Variants in RECK observed in about 807,000 individuals in gnomAD.
The protein encoded by RECK is reversion-inducing cysteine-rich protein with Kazal motifs.
A neutral mutation model predicts 115.1 loss-of-function variants in RECK; 69 were observed. That is an observed-to-expected ratio of 0.60 (90% CI 0.49 to 0.73). The LOEUF (loss-of-function observed/expected upper bound fraction) is 0.73. Among genes scored for constraint, RECK ranks in the 30% least tolerant of loss-of-function variants. RECK has a pLI of 0.00. For synonymous variants in RECK, 414 were observed against 419.7 expected, an observed-to-expected ratio of 0.99 and a Z score of 0.17; for missense variants, 1,047 against 1,203.7, an observed-to-expected ratio of 0.87 and a Z score of 1.93.
intron 6 of RECK, among the ~76,000 whole-genome samples, chr9:36,073,826 C>T (rs1822340397): frequency 3.3e-5 from 5 of 152,134 alleles, no homozygotes; most frequent in Admixed American, 3.3e-4. Flanking sequence ...GTTTGTTCCA[C>T]CTGGAATTCC....
intron 1 of RECK, among the ~76,000 whole-genome samples, chr9:36,040,405 C>G (rs1820828728): frequency 6.6e-6 from 1 of 151,864 alleles, no homozygotes; most frequent in African/African-American, 2.4e-5. Context: ...GGGGTGAGGT[C>G]CAGGAAGTGC....
rs1820682066 is a variant in RECK at position 36,036,945 on chromosome 9, T to C, written c.-54T>C. 22 of 1,191,246 alleles carry C rather than the reference T, an allele frequency of 1.8e-5. No homozygotes were observed. In the South Asian group the frequency reaches 4.4e-4, roughly 24 times the overall value. 73.8% of individuals were successfully genotyped at this position (1,191,246 alleles called of 1,614,324 possible). A position where few individuals can be genotyped will look rare whatever the true frequency, so the allele number is the denominator to read the frequency against. On this transcript the variant is annotated 5_prime_UTR_variant, in exon 1 of 21. Transcript: ENST00000377966. ...CGGCGGCGGTAGCGGCGGCAGCGGC[T>C]GCGGCCAAGCTGGGTCCGAGCATCC...
intron 6 of RECK, among the ~76,000 whole-genome samples, chr9:36,079,554 AT>A (rs1164938641): frequency 1.3e-5 from 2 of 152,196 alleles, no homozygotes; most frequent in Admixed American, 1.3e-4. Flanking sequence ...AAATGAATGA[AT>A]ACAGCTTCAC....
chr9:36,063,893 A>C lies in RECK; in HGVS notation c.357+13A>C, dbSNP rs1196188368. The C allele has an allele frequency of 1.2e-6, 2 of 1,612,744 alleles. No individual in the cohort carries two copies. The highest frequency in any genetic ancestry group is 2.2e-5 in the South Asian group (2 of 91,060). Reference sequence around the variant, plus strand: ...GGCATGCAAGCAGGTAACACTGGGTAGTCAGGCTCTCAAACATCATGGAGT... The same window carrying C: ...GGCATGCAAGCAGGTAACACTGGGTCGTCAGGCTCTCAAACATCATGGAGT... On this transcript the variant is annotated intron_variant, in intron 5 of 20. Transcript: ENST00000377966.
rs192967237 is a variant in RECK at position 36,078,702 on chromosome 9, A to T, written c.406-1903A>T. 2.6e-4 allele frequency among the ~76,000 whole-genome samples: 39 copies of T among 152,326 alleles called. No individual in the cohort carries two copies. In the East Asian group the frequency reaches 6.0e-3, roughly 23 times the overall value. On this transcript the variant is annotated intron_variant, in intron 6 of 20. Transcript: ENST00000377966. The stretch of plus-strand genomic sequence containing the variant: ...AGAAAATCAGGCCATGCAACCCAAG[A>T]TAGCCACCAAGTTATCAAACATATT...
chr9:36,104,026 G>T (rs1460146221), intron 12 of RECK, among the ~76,000 whole-genome samples: 1 of 151,740 alleles, frequency 6.6e-6, no homozygotes, highest in East Asian at 1.9e-4. Flanking sequence ...ATCACACATG[G>T]TTTCTATCAA....
chr9:36,076,792 A>G (rs1351430672), intron 6 of RECK, among the ~76,000 whole-genome samples: 2 of 152,170 alleles, frequency 1.3e-5, no homozygotes. Flanking sequence ...TTTGGTTACA[A>G]TTTAAGGAGC....
chr9:36,104,187 CCT>C (rs1258521326), intron 12 of RECK, among the ~76,000 whole-genome samples: 1 of 148,784 alleles, frequency 6.7e-6, no homozygotes. Flanking sequence ...CCAAAATATA[CCT>C]GTCATTTTTT....
intron 6 of RECK, among the ~76,000 whole-genome samples, chr9:36,073,237 C>G (rs7864881): frequency 9.9e-6 from 1 of 101,228 alleles, no homozygotes; most frequent in Non-Finnish European, 2.0e-5. Context: ...CACAGACACA[C>G]ACAGACACAC....
chr9:36,092,073 C>G (rs1415320361), intron 10 of RECK, among the ~76,000 whole-genome samples: 2 of 152,172 alleles, frequency 1.3e-5, no homozygotes, highest in Non-Finnish European at 2.9e-5. Context: ...CAAGCTAACA[C>G]ACATCTTATT....
At chr9:36,068,731 T>C (rs1260173065) in intron 6 of RECK, among the ~76,000 whole-genome samples, 1 of 152,186 alleles carries the variant, frequency 6.6e-6, no homozygotes, top group African/African-American at 2.4e-5. Context: ...ACCAATAAAT[T>C]TGGGATTCCA....
chr9:36,122,073 GAA>G (rs1824481640), intron 20 of RECK, among the ~76,000 whole-genome samples: 1 of 152,224 alleles, frequency 6.6e-6, no homozygotes, highest in South Asian at 2.1e-4. Flanking sequence ...GATAAAGCCA[GAA>G]AAGACTCCAG....
At chr9:36,105,567 C>T (rs944283491) in intron 13 of RECK, among the ~76,000 whole-genome samples, 7 of 152,082 alleles carry the variant, frequency 4.6e-5, no homozygotes, top group Non-Finnish European at 8.8e-5. Context: ...ACTTGACTCT[C>T]GTGAGTTGCA....
intron 1 of RECK, among the ~76,000 whole-genome samples, chr9:36,043,038 T>TTTTTG (rs1351361271): frequency 3.8e-5 from 5 of 131,014 alleles, no homozygotes; most frequent in African/African-American, 1.5e-4. Context: ...TTTTTTTTTT[T>TTTTTG]TTGTTGAGAC....
chr9:36,044,176 TC>T (rs1243146361), intron 1 of RECK, among the ~76,000 whole-genome samples: 1 of 152,158 alleles, frequency 6.6e-6, no homozygotes, highest in Non-Finnish European at 1.5e-5. Context: ...CTTGTAGAAT[TC>T]TTTCACCTCC....
In RECK at chr9:36,060,768, A is replaced by C. The variant is rs117871812; in HGVS notation, c.271+613A>C. On this transcript the variant is annotated intron_variant, in intron 4 of 20. Coordinates refer to ENST00000377966, the MANE Select transcript of RECK (RefSeq NM_021111.3). ...TCATTCCTTCCCAGAACTGTTAACT[A>C]ATCAGCTCTGAGAAGGTGACTCTCA... 7.3e-3 allele frequency among the ~76,000 whole-genome samples: 1,104 copies of C among 152,178 alleles called. 11 individuals carry two copies. Among genetic ancestry groups the C allele is most frequent in the Non-Finnish European group, 0.011 (769 of 67,970 alleles).
intron 1 of RECK, among the ~76,000 whole-genome samples, chr9:36,042,796 A>G (rs1820919427): frequency 6.6e-6 from 1 of 152,104 alleles, no homozygotes; most frequent in East Asian, 1.9e-4. Flanking sequence ...TCCTACCAGC[A>G]ATGTAAAAGT....
rs565410813 is a variant in RECK at position 36,096,461 on chromosome 9, C to T, written c.1086-3870C>T. Among the ~76,000 whole-genome samples, 621 of 148,650 alleles carry T rather than the reference C, an allele frequency of 4.2e-3. 3 individuals carry two copies. Among genetic ancestry groups the T allele is most frequent in the Non-Finnish European group, 7.5e-3 (502 of 66,746 alleles). The stretch of plus-strand genomic sequence containing the variant: ...CTGAGGCAGGAGAATCGCTTGAACC[C>T]GGGAGGTGGAGGTTGCAGTGAGCTG... On this transcript the variant is annotated intron_variant, in intron 10 of 20. Coordinates refer to ENST00000377966, the MANE Select transcript of RECK (RefSeq NM_021111.3).
rs553571759 is a variant in RECK at position 36,059,183 on chromosome 9, G to A, written c.234+282G>A. ...TATAGTATTTTATCTGGGGTCGGGC[G>A]TGGTGGCTGATGCCTGTAATCCCAG... On this transcript the variant is annotated intron_variant, in intron 3 of 20. Coordinates refer to ENST00000377966, the MANE Select transcript of RECK (RefSeq NM_021111.3). Among the ~76,000 whole-genome samples the A allele has an allele frequency of 5.3e-5, 8 of 152,162 alleles. No homozygotes were observed. In the South Asian group the frequency reaches 8.3e-4, roughly 16 times the overall value.
Sources: allele counts gnomAD v4.1 joint callset (sites outside exome capture counted in the v4.1 genomes callset), GRCh38; gene constraint gnomAD v4.1.1; transcripts MANE v1.5; gene names NCBI Gene and HGNC (gene_info 2026-07-23, HGNC 2026-07-21).